Variants in SLIT3 observed in about 807,000 individuals in gnomAD.
The protein encoded by SLIT3 is slit homolog 3 protein.
Under a neutral mutation model 184.0 loss-of-function variants are expected in SLIT3, and 68 were observed. The ratio of observed to expected loss-of-function variants is 0.37; its 90% CI spans 0.30 to 0.45. The LOEUF (loss-of-function observed/expected upper bound fraction) is 0.45. Ranked by LOEUF, SLIT3 falls within the 20% of genes least tolerant of loss-of-function variation. The pLI, the probability that SLIT3 is intolerant of heterozygous loss-of-function variation, is 1.00. For synonymous variants in SLIT3, 831 were observed against 828.6 expected, an observed-to-expected ratio of 1.00 and a Z score of -0.05; for missense variants, 1,707 against 2,026.0, an observed-to-expected ratio of 0.84 and a Z score of 3.02.
intron 4 of SLIT3, among the ~76,000 whole-genome samples, chr5:168,976,969 G>T (rs1441201667): frequency 6.6e-6 from 1 of 152,072 alleles, no homozygotes; most frequent in Non-Finnish European, 1.5e-5. Context: ...CAGAGCTGGG[G>T]TGGGGGCTGG....
intron 4 of SLIT3, among the ~76,000 whole-genome samples, chr5:169,015,995 T>G (rs1411987368): frequency 1.4e-5 from 2 of 143,344 alleles, no homozygotes; most frequent in East Asian, 4.5e-4. Context: ...CAACTTTCTG[T>G]CTGCCCCCTT....
At chr5:168,973,301 G>A (rs1754641802) in intron 4 of SLIT3, among the ~76,000 whole-genome samples, 1 of 152,190 alleles carries the variant, frequency 6.6e-6, no homozygotes, top group East Asian at 1.9e-4. Flanking sequence ...AGGCTGGAGT[G>A]CAGTGGTGCT....
intron 4 of SLIT3, among the ~76,000 whole-genome samples, chr5:169,167,119 A>G (rs979369031): frequency 4.6e-5 from 7 of 151,850 alleles, no homozygotes; most frequent in Admixed American, 3.3e-4. Context: ...GCAGTGAGCT[A>G]TGGTTGTGCC....
At chr5:168,980,932 A>C (rs1180165296) in intron 4 of SLIT3, among the ~76,000 whole-genome samples, 1 of 152,218 alleles carries the variant, frequency 6.6e-6, no homozygotes, top group Admixed American at 6.5e-5. Flanking sequence ...ATCAAAAGCA[A>C]TGGTTACCAT....
At chr5:169,256,003 G>A (rs1765949032) in intron 1 of SLIT3, among the ~76,000 whole-genome samples, 1 of 152,178 alleles carries the variant, frequency 6.6e-6, no homozygotes, top group Non-Finnish European at 1.5e-5. Flanking sequence ...TAATGTCCTA[G>A]GCCTTCATAT....
intron 4 of SLIT3, among the ~76,000 whole-genome samples, chr5:168,912,223 A>G (rs989744886): frequency 3.9e-5 from 6 of 152,066 alleles, no homozygotes; most frequent in African/African-American, 1.4e-4. Context: ...CAGTATTTTA[A>G]CATATTTTAT....
chr5:168,669,979 T>C lies in SLIT3; in HGVS notation c.4140A>G (p.Gly1380=). 6.2e-7 allele frequency: 1 copy of C among 1,614,044 alleles called. No homozygotes were observed. Among genetic ancestry groups the C allele is most frequent in the East Asian group, 2.2e-5 (1 of 44,880 alleles). Reference sequence around the variant, plus strand: ...ATGAGGTCCCAGTTGCCACACATTTTCCATGGTGGCATCTAGGGGCAGAGA... The same window carrying C: ...ATGAGGTCCCAGTTGCCACACATTTCCCATGGTGGCATCTAGGGGCAGAGA... ...DPCLGHRCHH[G]KCVATGTSYM... The change falls in exon 35 of 36, where the codon GGA becomes GGG. Residue 1380 remains glycine (G), a synonymous_variant. Transcript: ENST00000519560.
chr5:168,952,695 AC>A (rs1762701115), intron 4 of SLIT3, among the ~76,000 whole-genome samples: 1 of 152,130 alleles, frequency 6.6e-6, no homozygotes, highest in African/African-American at 2.4e-5. Flanking sequence ...GAGTGGACAA[AC>A]CCATGAATGG....
rs553870109 is a variant in SLIT3, at chr5:168,662,700, G to A, written c.*3754C>T. ...TAAATACATAATCTCATCGGCCATC[G>A]TACGGCCCCTTGGCTGAGTTGAAGA... On this transcript the variant is annotated 3_prime_UTR_variant, in exon 36 of 36. Coordinates refer to ENST00000519560, the MANE Select transcript of SLIT3 (RefSeq NM_003062.4). 30 of 152,316 alleles carry A rather than the reference G, an allele frequency of 2.0e-4. No homozygotes were observed. The highest frequency in any genetic ancestry group is 6.3e-4 in the African/African-American group (26 of 41,580). 9.4% of individuals were successfully genotyped at this position (152,316 alleles called of 1,614,324 possible).
chr5:168,828,246 C>T lies in SLIT3; in HGVS notation c.558-4915G>A, dbSNP rs1227496770. Among the ~76,000 whole-genome samples, 7 of 152,278 alleles carry T rather than the reference C, an allele frequency of 4.6e-5. No individual in the cohort carries two copies. The South Asian group carries it at 6.2e-4, about 14-fold the overall frequency. ...GGAACCTGCAATGCCGTGATGGAATCGGAACCTAGGGGAAGGCCCTGCTCA... is the reference window on the plus strand; with the variant it reads ...GGAACCTGCAATGCCGTGATGGAATTGGAACCTAGGGGAAGGCCCTGCTCA... On this transcript the variant is annotated intron_variant, in intron 6 of 35. Transcript: ENST00000519560.
chr5:169,250,451 A>C (rs1765734811), intron 2 of SLIT3, among the ~76,000 whole-genome samples: 1 of 152,234 alleles, frequency 6.6e-6, no homozygotes, highest in African/African-American at 2.4e-5. Context: ...AGGCCCAAGG[A>C]GGAAAAATAA....
chr5:169,120,974 T>C (rs2668054), intron 4 of SLIT3, among the ~76,000 whole-genome samples: 123,826 of 152,136 alleles, frequency 0.81, 50,614 homozygotes, highest in East Asian at 0.96. Context: ...TCTCTTTCCT[T>C]TCTCCTAACT....
rs1036727104 is a variant in SLIT3, at chr5:169,047,675, C to T, written c.413+145804G>A. 5.3e-5 allele frequency among the ~76,000 whole-genome samples: 8 copies of T among 152,110 alleles called. 1 individual carries two copies. Among genetic ancestry groups the T allele is most frequent in the East Asian group, 3.9e-4 (2 of 5,178 alleles). ...AACTCCCCCGACTACACTGTCACTC[C>T]CTGAATAGGTTATGTGCTTTCATTC... On this transcript the variant is annotated intron_variant, in intron 4 of 35. Coordinates refer to ENST00000519560, the MANE Select transcript of SLIT3 (RefSeq NM_003062.4).
At chr5:168,835,679 C>T (rs372943441) in intron 6 of SLIT3, among the ~76,000 whole-genome samples, 140 of 152,026 alleles carry the variant, frequency 9.2e-4, no homozygotes, top group African/African-American at 3.4e-3. Context: ...GACGTGGTGG[C>T]TGGCACCTGT....
At chr5:168,888,355 C>T (rs370795844) in intron 4 of SLIT3, among the ~76,000 whole-genome samples, 18 of 152,200 alleles carry the variant, frequency 1.2e-4, no homozygotes, top group African/African-American at 4.3e-4. Context: ...ATGGTGACTC[C>T]AGCAACCCAA....
chr5:168,724,733 AC>A (rs1232410709), intron 20 of SLIT3, among the ~76,000 whole-genome samples: 1 of 151,660 alleles, frequency 6.6e-6, no homozygotes, highest in East Asian at 1.9e-4. Flanking sequence ...AAAATTGCCC[AC>A]CGTTGGATCC....
At chr5:168,870,200 G>A (rs889464628) in intron 5 of SLIT3, among the ~76,000 whole-genome samples, 5 of 152,232 alleles carry the variant, frequency 3.3e-5, no homozygotes, top group African/African-American at 9.6e-5. Context: ...TATTTTTGAT[G>A]ACTGGCTCAC....
intron 4 of SLIT3, among the ~76,000 whole-genome samples, chr5:169,124,884 C>T (rs1761019704): frequency 6.6e-6 from 1 of 152,166 alleles, no homozygotes; most frequent in Admixed American, 6.5e-5. Flanking sequence ...TATGAGCTAA[C>T]ATATATTTCA....
At chr5:169,071,094 G>C (rs1311973620) in intron 4 of SLIT3, among the ~76,000 whole-genome samples, 1 of 152,176 alleles carries the variant, frequency 6.6e-6, no homozygotes, top group Non-Finnish European at 1.5e-5. Context: ...TTACTTCACA[G>C]GTAACATAAT....
Sources: gnomAD v4.1 joint callset for allele counts (sites outside exome capture counted in the v4.1 genomes callset) on GRCh38, gnomAD v4.1.1 for gene constraint, MANE v1.5 for transcripts, NCBI Gene and HGNC (gene_info 2026-07-23, HGNC 2026-07-21) for gene names.